RASL12: variants seen among roughly 807,000 people sequenced by gnomAD.
RASL12 encodes the protein ras-like protein family member 12.
A neutral mutation model predicts 22.9 loss-of-function variants in RASL12; 16 were observed. The observed-to-expected ratio is 0.70, with a 90% confidence interval of 0.47 to 1.06. The LOEUF (loss-of-function observed/expected upper bound fraction) is 1.06. Ranked by LOEUF, RASL12 falls within the 50% of genes least tolerant of loss-of-function variation. The pLI is 0.00. For missense variants in RASL12, 306 were observed against 353.1 expected, an observed-to-expected ratio of 0.87 and a Z score of 1.07; for synonymous variants, 159 against 152.2, an observed-to-expected ratio of 1.04 and a Z score of -0.33.
intron 4 of RASL12, among the ~76,000 whole-genome samples, chr15:65,056,943 C>T (rs2086739512): frequency 7.4e-6 from 1 of 135,258 alleles, no homozygotes; most frequent in Non-Finnish European, 1.6e-5. Context: ...AGATTGGGGT[C>T]AAAAGAGTGA....
downstream of RASL12, chr15:65,049,838 C>G: frequency 4.1e-6 from 2 of 485,766 alleles, no homozygotes; most frequent in Non-Finnish European, 7.3e-6. Context: ...TGGATTTGGG[C>G]ACAGAGGGAG....
chr15:65,050,128 G>C (rs189254725), downstream of RASL12: 14 of 1,538,654 alleles, frequency 9.1e-6, no homozygotes, highest in African/African-American at 1.6e-4. Context: ...TGACGGCAGG[G>C]GTGGGGGTGT....
downstream of RASL12, chr15:65,051,431 G>A: frequency 1.5e-6 from 2 of 1,326,686 alleles, no homozygotes; most frequent in Non-Finnish European, 2.2e-6. Flanking sequence ...TGTAAGCTGG[G>A]TCTGAGCCCA....
At chr15:65,053,006 G>T, downstream of RASL12, 2 of 1,613,424 alleles carry the variant, frequency 1.2e-6, no homozygotes, top group Non-Finnish European at 1.7e-6. Flanking sequence ...AACTCCAGAA[G>T]TCCTGCATTT....
chr15:65,056,930 C>G (rs2086739312), intron 4 of RASL12, among the ~76,000 whole-genome samples: 2 of 149,190 alleles, frequency 1.3e-5, no homozygotes, highest in Admixed American at 1.4e-4. Flanking sequence ...ATCCCTTTGG[C>G]AAAGATTGGG....
At chr15:65,056,739 G>A (rs1467669550) in intron 4 of RASL12, among the ~76,000 whole-genome samples, 3 of 152,122 alleles carry the variant, frequency 2.0e-5, no homozygotes, top group Non-Finnish European at 4.4e-5. Context: ...GGAGACAATG[G>A]CCAATGCTCA....
At chr15:65,059,534 G>A (rs1456109141) in intron 2 of RASL12, 116 bp from the exon 3 acceptor site, 4 of 763,082 alleles carry the variant, frequency 5.2e-6, no homozygotes, top group African/African-American at 3.4e-5. Flanking sequence ...CTCTGGGGCT[G>A]GGACCACTGG....
chr15:65,074,512 G>A (rs570299692), intron 1 of RASL12, among the ~76,000 whole-genome samples: 1 of 152,116 alleles, frequency 6.6e-6, no homozygotes, highest in Non-Finnish European at 1.5e-5. Flanking sequence ...TCGTGCCTCA[G>A]CCTCATAAAG....
At chr15:65,047,086 G>A in the RASL12 span, among the ~76,000 whole-genome samples, 1 of 152,156 alleles carries the variant, frequency 6.6e-6, no homozygotes, top group Admixed American at 6.5e-5. Context: ...GCTGGGTGCA[G>A]TGGCTCACAC....
At chr15:65,067,565 C>A (rs951175999) in intron 1 of RASL12, among the ~76,000 whole-genome samples, 168 bp downstream of exon 1, 15 of 152,156 alleles carry the variant, frequency 9.9e-5, no homozygotes, top group African/African-American at 3.6e-4. Flanking sequence ...GAAAGCCCGG[C>A]AACAGGGAAA....
At chr15:65,058,775 G>C (rs560700295) in intron 3 of RASL12, among the ~76,000 whole-genome samples, 158 bp from the exon 4 acceptor site, 1 of 152,360 alleles carries the variant, frequency 6.6e-6, no homozygotes, top group African/African-American at 2.4e-5. Context: ...ATTTGGCTTG[G>C]TGTGAAAGGA....
chr15:65,063,113 C>T (rs2919356), intron 2 of RASL12, among the ~76,000 whole-genome samples: 1 of 151,910 alleles, frequency 6.6e-6, no homozygotes, highest in Non-Finnish European at 1.5e-5. Context: ...CATCCGGTGG[C>T]ACCCTGTGAC....
intron 3 of RASL12, 65 bp downstream of exon 3, chr15:65,059,280 G>T: frequency 1.4e-6 from 2 of 1,426,482 alleles, no homozygotes; most frequent in Non-Finnish European, 2.0e-6. Context: ...CCGCACTCTG[G>T]GCCAGGACTT....
At chr15:65,068,146 G>C (rs1294408245), upstream of RASL12, 6 of 1,012,490 alleles carry the variant, frequency 5.9e-6, no homozygotes, top group African/African-American at 1.7e-5. The surrounding 1 kb of genome is among the most constrained non-coding windows in gnomAD (Gnocchi z 4.2). Flanking sequence ...CGCCCCCACC[G>C]CCGGGCTGGG....
chr15:65,058,342 G>A, intron 4 of RASL12, 85 bp downstream of exon 4: 1 of 1,116,620 alleles, frequency 9.0e-7, no homozygotes, highest in Non-Finnish European at 1.2e-6. Flanking sequence ...GTTCTTAGCA[G>A]CCCACTAATC....
At chr15:65,063,769 AT>A (rs1214467024) in intron 2 of RASL12, among the ~76,000 whole-genome samples, 1 of 152,246 alleles carries the variant, frequency 6.6e-6, no homozygotes, top group Non-Finnish European at 1.5e-5. Context: ...AGGGGACTAA[AT>A]AGCCCTGATG....
chr15:65,047,096 C>T, the RASL12 span, among the ~76,000 whole-genome samples: 1 of 152,040 alleles, frequency 6.6e-6, no homozygotes, highest in Non-Finnish European at 1.5e-5. Context: ...GTGGCTCACA[C>T]CTGTAATCCC....
chr15:65,059,071 TCTC>T (rs1266160912), intron 3 of RASL12, among the ~76,000 whole-genome samples: 2 of 152,238 alleles, frequency 1.3e-5, no homozygotes, highest in East Asian at 1.9e-4. Context: ...TGTGCACCTG[TCTC>T]CTCGTGTGCA....
Position 65,055,256 on chromosome 15 carries a change from C to T in RASL12, c.444G>A (p.Glu148=). 1.9e-6 allele frequency: 3 copies of T among 1,582,678 alleles called. No individual in the cohort carries two copies. The highest frequency in any genetic ancestry group is 2.7e-5 in the African/African-American group (2 of 74,728). ...CAAACCTGCCTGCCAAAGCCACACC[C>T]TCTGCCTTGGTGACTTGCCTGGTGA... ...MAQYRQVTKA[E]GVALAGRFGC... The change falls in exon 5 of 5, where the codon GAG becomes GAA. Residue 148 remains glutamate (E), a synonymous_variant. Coordinates refer to ENST00000220062, the MANE Select transcript of RASL12 (RefSeq NM_016563.4).
Sources: allele counts gnomAD v4.1 joint callset (sites outside exome capture counted in the v4.1 genomes callset), GRCh38; gene constraint gnomAD v4.1.1; non-coding constraint Gnocchi (gnomAD v3.1); transcripts MANE v1.5; gene names NCBI Gene and HGNC (gene_info 2026-07-23, HGNC 2026-07-21).